The following NREP variants were observed in gnomAD, a reference collection of about 807,000 sequenced individuals.
The protein encoded by NREP is neuronal regeneration-related protein.
NREP carries 5 observed loss-of-function variants against 8.6 expected under a neutral mutation model. That is an observed-to-expected ratio of 0.58 (90% CI 0.30 to 1.22). NREP has a LOEUF of 1.22. Among genes scored for constraint, NREP ranks in the 50% most tolerant of loss-of-function variants. NREP has a pLI of 0.07. For missense variants in NREP, 86 were observed against 82.5 expected (o/e 1.04, Z -0.17); for synonymous variants, 27 against 28.0 (o/e 0.96, Z 0.11).
chr5:111,861,900 A>C (rs1753551938), intron 2 of NREP, among the ~76,000 whole-genome samples: 1 of 152,160 alleles, frequency 6.6e-6, no homozygotes, highest in South Asian at 2.1e-4. Flanking sequence ...AGGACATTAC[A>C]TCATTCAAAT....
At chr5:111,838,678 T>A (rs533208162) in intron 2 of NREP, among the ~76,000 whole-genome samples, 6 of 152,186 alleles carry the variant, frequency 3.9e-5, no homozygotes, top group Admixed American at 3.9e-4. Context: ...CACAATTTTA[T>A]AGATTATTTC....
At chr5:111,732,525 T>C (rs1748684525) in intron 3 of NREP, 1 of 152,024 alleles carries the variant, frequency 6.6e-6, no homozygotes, top group Non-Finnish European at 1.5e-5. Context: ...ACCAGAAAAT[T>C]AAATAAAAAT....
chr5:111,765,697 T>C (rs1268464643), intron 2 of NREP, among the ~76,000 whole-genome samples: 1 of 152,202 alleles, frequency 6.6e-6, no homozygotes, highest in African/African-American at 2.4e-5. Flanking sequence ...GCCTAGAAAT[T>C]TGCAGATCCA....
At chr5:111,871,167 G>C (rs1435667581) in intron 2 of NREP, among the ~76,000 whole-genome samples, 1 of 151,626 alleles carries the variant, frequency 6.6e-6, no homozygotes, top group Non-Finnish European at 1.5e-5. Context: ...ATATCATAGA[G>C]TGTACATACA....
At position 111,937,739 on chromosome 5, in the gene NREP, T is replaced by G. The variant is rs537142833; in HGVS notation, c.135+37535A>C. Among the ~76,000 whole-genome samples the G allele has an allele frequency of 2.6e-5, 4 of 152,146 alleles. No homozygotes were observed. In the East Asian group the frequency reaches 7.8e-4, roughly 30 times the overall value. On this transcript the variant is annotated intron_variant, in intron 2 of 3. Transcript: ENST00000395634. ...AGGGTACTTTTCCAGGCTTCTCTACTTCTCATTCTTGTACCAGATCCTTCC... is the reference window on the plus strand; with the variant it reads ...AGGGTACTTTTCCAGGCTTCTCTACGTCTCATTCTTGTACCAGATCCTTCC...
intron 2 of NREP, among the ~76,000 whole-genome samples, chr5:111,868,886 G>A (rs1403691773): frequency 6.6e-5 from 10 of 151,932 alleles, no homozygotes; most frequent in African/African-American, 2.4e-4. Flanking sequence ...AATGAAGGAG[G>A]GATGCTATTC....
chr5:111,853,619 T>G (rs1312868098), intron 2 of NREP, among the ~76,000 whole-genome samples: 1 of 152,052 alleles, frequency 6.6e-6, no homozygotes, highest in African/African-American at 2.4e-5. Flanking sequence ...ACTCAGTAAG[T>G]TTGTTACTAT....
intron 1 of NREP, chr5:111,756,088 G>A (rs1750685422): frequency 1.7e-6 from 2 of 1,160,078 alleles, no homozygotes; most frequent in African/African-American, 1.6e-5. Flanking sequence ...TCTTTAAATT[G>A]CATGAGTTCA....
rs563874259 is a variant in NREP at position 111,807,395 on chromosome 5, T to C, written c.136-71888A>G. ...AATAACCAATAAGCACTAAGGAATC[T>C]TGCTGGGAAGTTACCAAATATTATG... On this transcript the variant is annotated intron_variant, in intron 2 of 3. Transcript: ENST00000395634. Among the ~76,000 whole-genome samples the C allele has an allele frequency of 2.6e-5, 4 of 152,318 alleles. No individual in the cohort carries two copies. The East Asian group carries it at 7.7e-4, about 29-fold the overall frequency.
chr5:111,900,114 A>T (rs558630031), intron 2 of NREP, among the ~76,000 whole-genome samples: 14 of 152,272 alleles, frequency 9.2e-5, no homozygotes, highest in Non-Finnish European at 1.8e-4. Flanking sequence ...CCATAATGAA[A>T]TAAAACTAGA....
At chr5:111,842,393 A>T (rs1429971227) in intron 2 of NREP, among the ~76,000 whole-genome samples, 1 of 152,122 alleles carries the variant, frequency 6.6e-6, no homozygotes, top group Admixed American at 6.6e-5. Flanking sequence ...TGTGCTTACC[A>T]TGGGATTTAT....
At chr5:111,778,912 T>A (rs1751425722) in intron 2 of NREP, among the ~76,000 whole-genome samples, 2 of 152,144 alleles carry the variant, frequency 1.3e-5, no homozygotes, top group East Asian at 3.9e-4. Context: ...ACCATGACAT[T>A]TCATTCAGTA....
At chr5:111,784,259 G>A (rs1278523337) in intron 2 of NREP, among the ~76,000 whole-genome samples, 1 of 152,130 alleles carries the variant, frequency 6.6e-6, no homozygotes. Context: ...GGTATGTTTA[G>A]TTTTGTCCAT....
At chr5:111,870,887 G>A (rs1753773440) in intron 2 of NREP, among the ~76,000 whole-genome samples, 1 of 152,110 alleles carries the variant, frequency 6.6e-6, no homozygotes, top group South Asian at 2.1e-4. Context: ...TAGCCCTGCT[G>A]GTCCTTCAGT....
chr5:111,760,776 G>A (rs1750942676), upstream of NREP, among the ~76,000 whole-genome samples: 1 of 152,138 alleles, frequency 6.6e-6, no homozygotes, highest in Admixed American at 6.5e-5. Context: ...AAAACCCTGG[G>A]TCAGAACCTG....
chr5:111,953,233 C>G (rs1371036610), intron 2 of NREP, among the ~76,000 whole-genome samples: 1 of 152,096 alleles, frequency 6.6e-6, no homozygotes, highest in African/African-American at 2.4e-5. Flanking sequence ...GGCATAGGCT[C>G]AAAGCCCTGT....
chr5:111,783,457 T>G (rs867590455), intron 2 of NREP, among the ~76,000 whole-genome samples: 6 of 152,228 alleles, frequency 3.9e-5, no homozygotes, highest in South Asian at 2.1e-4. Context: ...CCAGGTGGAC[T>G]GCAACGAAAT....
chr5:111,809,132 A>AT (rs1203715045), intron 2 of NREP, among the ~76,000 whole-genome samples: 1 of 152,162 alleles, frequency 6.6e-6, no homozygotes, highest in African/African-American at 2.4e-5. Flanking sequence ...ATGTTAAGGC[A>AT]TTTTTTAAAA....
chr5:111,761,727 T>G (rs1750963924), upstream of NREP, among the ~76,000 whole-genome samples: 1 of 152,192 alleles, frequency 6.6e-6, no homozygotes, highest in South Asian at 2.1e-4. Context: ...CCATACAGCC[T>G]GCTAGATCCA....
Sources: gnomAD v4.1 joint callset for allele counts (sites outside exome capture counted in the v4.1 genomes callset) on GRCh38, gnomAD v4.1.1 for gene constraint, MANE v1.5 for transcripts, NCBI Gene and HGNC (gene_info 2026-07-23, HGNC 2026-07-21) for gene names.